The following C10orf67 variants were observed in gnomAD, a reference collection of about 807,000 sequenced individuals.
C10orf67 encodes the protein uncharacterized protein C10orf67, mitochondrial.
Under a neutral mutation model 35.6 loss-of-function variants are expected in C10orf67, and 60 were observed. That is an observed-to-expected ratio of 1.68 (90% CI 1.37 to 2.09). The LOEUF (loss-of-function observed/expected upper bound fraction) is 2.09. Among genes scored for constraint, C10orf67 ranks in the 30% most tolerant of loss-of-function variants. C10orf67 has a pLI of 0.00. For missense variants in C10orf67, 474 were observed against 330.2 expected, an observed-to-expected ratio of 1.44 and a Z score of -3.38; for synonymous variants, 167 against 115.8, an observed-to-expected ratio of 1.44 and a Z score of -2.84.
At chr10:23,245,195 C>T (rs530363979) in intron 12 of C10orf67, among the ~76,000 whole-genome samples, 1 of 152,206 alleles carries the variant, frequency 6.6e-6, no homozygotes, top group African/African-American at 2.4e-5. Flanking sequence ...TTACACAGTA[C>T]ACAAAAATTA....
intron 7 of C10orf67, among the ~76,000 whole-genome samples, chr10:23,288,637 C>A (rs1843618089): frequency 6.6e-6 from 1 of 152,116 alleles, no homozygotes; most frequent in African/African-American, 2.4e-5. Context: ...AAAAGAATAT[C>A]TTGAATGGCA....
intron 8 of C10orf67, among the ~76,000 whole-genome samples, chr10:23,273,645 C>A (rs928291437): frequency 1.3e-5 from 2 of 152,150 alleles, no homozygotes; most frequent in African/African-American, 4.8e-5. Context: ...CCCCACACAG[C>A]CAATGTTCCA....
intron 8 of C10orf67, among the ~76,000 whole-genome samples, chr10:23,276,312 T>A (rs1479345043): frequency 6.6e-6 from 1 of 152,104 alleles, no homozygotes; most frequent in Non-Finnish European, 1.5e-5. Flanking sequence ...GTGAAATGGC[T>A]CAGGGGGGGA....
chr10:23,300,458 G>A (rs1440467760), intron 5 of C10orf67, among the ~76,000 whole-genome samples: 1 of 152,128 alleles, frequency 6.6e-6, no homozygotes, highest in African/African-American at 2.4e-5. Context: ...GTTCAATAGA[G>A]TTTCTAAGTT....
intron 1 of C10orf67, among the ~76,000 whole-genome samples, chr10:23,341,735 A>T (rs1450138018): frequency 6.6e-6 from 1 of 152,106 alleles, no homozygotes; most frequent in East Asian, 1.9e-4. Context: ...TAGGACATCC[A>T]GGCACCATCT....
intron 4 of C10orf67, among the ~76,000 whole-genome samples, chr10:23,309,738 T>C (rs1318335447): frequency 6.6e-6 from 1 of 152,204 alleles, no homozygotes; most frequent in East Asian, 1.9e-4. Context: ...TGAGAGGTGC[T>C]TGAGCCAGCC....
rs546528382 is a variant in C10orf67, at chr10:23,223,766, G to C, written c.1487C>G (p.Ser496Cys). Residue 496 changes from serine (S) to cysteine (C), a missense_variant, in exon 14 of 16, where the codon TCT becomes TGT. Transcript: ENST00000636213. The part of the protein sequence containing the change: ...QSRTTMTAIS[S>C]SSHCTSSIDG... ...TACTGAAGATGTACAATGACTTGAA[G>C]AGGATATAGCTGTCATGGTCGTTCT... 1.5e-5 allele frequency: 11 copies of C among 715,620 alleles called. No homozygotes were observed. The East Asian group carries it at 3.0e-4, about 19-fold the overall frequency. The allele number at this position is 715,620 out of a possible 1,614,324, so 44.3% of individuals were successfully genotyped here.
chr10:23,271,557 A>G (rs1387958182), intron 8 of C10orf67, among the ~76,000 whole-genome samples: 1 of 152,232 alleles, frequency 6.6e-6, no homozygotes, highest in Non-Finnish European at 1.5e-5. Context: ...TAAGAGTTCT[A>G]GTTGCTCCAC....
At chr10:23,215,354 C>G (rs1478681742) in intron 15 of C10orf67, among the ~76,000 whole-genome samples, 3 of 151,428 alleles carry the variant, frequency 2.0e-5, no homozygotes, top group Admixed American at 6.6e-5. Flanking sequence ...AGTGCAGTGG[C>G]ATGATCTTGG....
At chr10:23,234,654 G>C (rs1432668369) in intron 13 of C10orf67, among the ~76,000 whole-genome samples, 1 of 151,508 alleles carries the variant, frequency 6.6e-6, no homozygotes, top group Non-Finnish European at 1.5e-5. Context: ...TAACAAACCT[G>C]CACATGTACC....
At chr10:23,281,650 T>C in intron 8 of C10orf67, among the ~76,000 whole-genome samples, 1 of 152,018 alleles carries the variant, frequency 6.6e-6, no homozygotes, top group South Asian at 2.1e-4. Context: ...AGCTGGGCTC[T>C]TTTTTTATTG....
intron 15 of C10orf67, 38 bp from the exon 16 acceptor site, chr10:23,204,293 T>C: frequency 1.7e-6 from 1 of 589,436 alleles, no homozygotes; most frequent in Non-Finnish European, 3.1e-6. Flanking sequence ...TAAACTTTGT[T>C]TTACTTATCA....
In C10orf67 at chr10:23,282,098, A is replaced by G. The variant is rs1843386861; in HGVS notation, c.910-20T>C. The G allele has an allele frequency of 1.9e-6, 1 of 534,564 alleles. No individual in the cohort carries two copies. The highest frequency in any genetic ancestry group is 2.0e-5 in the African/African-American group (1 of 50,102). The allele number at this position is 534,564 out of a possible 1,614,324, so 33.1% of individuals were successfully genotyped here. A position where few individuals can be genotyped will look rare whatever the true frequency, so the allele number is the denominator to read the frequency against. On this transcript the variant is annotated intron_variant, in intron 7 of 15. Transcript: ENST00000636213. Reference sequence around the variant, plus strand: ...CATTAACTGAAATAGAGAAGAAATTATATTTTTATTAAAGATAAGAACAGA... The same window carrying G: ...CATTAACTGAAATAGAGAAGAAATTGTATTTTTATTAAAGATAAGAACAGA...
intron 8 of C10orf67, among the ~76,000 whole-genome samples, chr10:23,275,085 T>A (rs1843147890): frequency 6.6e-6 from 1 of 152,190 alleles, no homozygotes; most frequent in South Asian, 2.1e-4. Flanking sequence ...CTCCTATAAT[T>A]GTAGGGGAGA....
chr10:23,265,513 T>C (rs1426605983), intron 10 of C10orf67, among the ~76,000 whole-genome samples: 1 of 152,246 alleles, frequency 6.6e-6, no homozygotes, highest in African/African-American at 2.4e-5. Context: ...TTGGGTTCTA[T>C]GCCTTCTAAA....
At chr10:23,305,318 C>T (rs1844235485) in intron 4 of C10orf67, among the ~76,000 whole-genome samples, 1 of 152,110 alleles carries the variant, frequency 6.6e-6, no homozygotes, top group Admixed American at 6.6e-5. Context: ...AAAAACAATG[C>T]ATTAACAAAA....
At chr10:23,334,463 T>TG (rs1468670717) in intron 1 of C10orf67, among the ~76,000 whole-genome samples, 2 of 152,262 alleles carry the variant, frequency 1.3e-5, no homozygotes, top group Admixed American at 6.5e-5. Flanking sequence ...GCAGAATGTC[T>TG]GTGCTTCTAT....
intron 7 of C10orf67, among the ~76,000 whole-genome samples, chr10:23,282,844 T>C (rs1843407512): frequency 6.6e-6 from 1 of 151,970 alleles, no homozygotes; most frequent in Non-Finnish European, 1.5e-5. Flanking sequence ...CAACCATTTA[T>C]TTGTGGGAGC....
At chr10:23,294,115 T>G (rs921980920) in intron 5 of C10orf67, among the ~76,000 whole-genome samples, 2 of 152,198 alleles carry the variant, frequency 1.3e-5, no homozygotes, top group African/African-American at 4.8e-5. Flanking sequence ...CCATGCCTCA[T>G]GACAGTCACA....
Sources: gnomAD v4.1 joint callset for allele counts (sites outside exome capture counted in the v4.1 genomes callset) on GRCh38, gnomAD v4.1.1 for gene constraint, MANE v1.5 for transcripts, NCBI Gene and HGNC (gene_info 2026-07-23, HGNC 2026-07-21) for gene names.